Variants in RBFOX1 observed in about 807,000 individuals in gnomAD.
RBFOX1 encodes RNA binding fox-1 homolog 1.
Under a neutral mutation model 57.7 loss-of-function variants are expected in RBFOX1, and 8 were observed. The ratio of observed to expected loss-of-function variants is 0.14; its 90% CI spans 0.08 to 0.25. The LOEUF (loss-of-function observed/expected upper bound fraction) is 0.25, where lower values mean the gene tolerates loss of function less well. Among genes scored for constraint, RBFOX1 ranks in the 10% least tolerant of loss-of-function variants. RBFOX1 has a pLI of 1.00. For missense variants in RBFOX1, 611 were observed against 548.5 expected, an observed-to-expected ratio of 1.11 and a Z score of -1.14; for synonymous variants, 326 against 222.4, an observed-to-expected ratio of 1.47 and a Z score of -4.15.
chr16:6,737,709 T>C (rs2070793811), intron 3 of RBFOX1, among the ~76,000 whole-genome samples: 2 of 152,132 alleles, frequency 1.3e-5, no homozygotes, highest in South Asian at 2.1e-4. Flanking sequence ...GAGCCTTAGG[T>C]TGGATGAATG....
chr16:7,042,548 C>G (rs141272510), intron 3 of RBFOX1, among the ~76,000 whole-genome samples: 2 of 152,334 alleles, frequency 1.3e-5, no homozygotes, highest in African/African-American at 2.4e-5. Flanking sequence ...AAGCTTATAA[C>G]TAGGAACTGT....
intron 3 of RBFOX1, among the ~76,000 whole-genome samples, chr16:6,948,175 T>C (rs2079944580): frequency 6.6e-6 from 1 of 151,992 alleles, no homozygotes; most frequent in Non-Finnish European, 1.5e-5. Context: ...CTCATACCTG[T>C]AATCCCAGCA....
chr16:6,245,840 C>G (rs542248491), intron 1 of RBFOX1, among the ~76,000 whole-genome samples: 1 of 152,330 alleles, frequency 6.6e-6, no homozygotes, highest in Non-Finnish European at 1.5e-5. Flanking sequence ...CTTGGTCATT[C>G]CCTGCCTTCA....
chr16:7,384,251 G>T (rs1436372561), intron 4 of RBFOX1, among the ~76,000 whole-genome samples: 1 of 151,928 alleles, frequency 6.6e-6, no homozygotes, highest in Non-Finnish European at 1.5e-5. Flanking sequence ...CAAGGAGTAT[G>T]AAACTTATAT....
At chr16:5,594,542 C>T (rs1027346220) in intron 2 of RBFOX1, among the ~76,000 whole-genome samples, 6 of 152,048 alleles carry the variant, frequency 3.9e-5, no homozygotes, top group South Asian at 2.1e-4. Context: ...TCTGGAAAGG[C>T]GGGAGAACTT....
chr16:7,092,938 A>G (rs1013823437), intron 4 of RBFOX1, among the ~76,000 whole-genome samples: 1 of 152,074 alleles, frequency 6.6e-6, no homozygotes, highest in Non-Finnish European at 1.5e-5. Context: ...AAGTTAGTTG[A>G]CGCATTCGTT....
chr16:6,716,692 C>A (rs2064892407), intron 3 of RBFOX1, among the ~76,000 whole-genome samples: 1 of 152,154 alleles, frequency 6.6e-6, no homozygotes, highest in Non-Finnish European at 1.5e-5. Flanking sequence ...TTCCATTCCT[C>A]TGGCCTTGAT....
intron 3 of RBFOX1, among the ~76,000 whole-genome samples, chr16:6,859,287 G>C (rs542077670): frequency 6.7e-6 from 1 of 149,158 alleles, no homozygotes; most frequent in Non-Finnish European, 1.5e-5. Flanking sequence ...AATATTATTT[G>C]TTCCCATCTC....
intron 1 of RBFOX1, among the ~76,000 whole-genome samples, chr16:6,259,203 T>A (rs2097686938): frequency 6.6e-6 from 1 of 152,202 alleles, no homozygotes; most frequent in Non-Finnish European, 1.5e-5. Context: ...ATTGCTTATT[T>A]ACTCAGATTG....
intron 4 of RBFOX1, among the ~76,000 whole-genome samples, chr16:7,429,648 T>A (rs2098659110): frequency 6.6e-6 from 1 of 152,140 alleles, no homozygotes; most frequent in African/African-American, 2.4e-5. Flanking sequence ...GAGGAACTGA[T>A]AAAAACTGCC....
intron 1 of RBFOX1, among the ~76,000 whole-genome samples, chr16:6,229,184 G>T (rs1301482401): frequency 3.9e-5 from 6 of 152,050 alleles, no homozygotes. Context: ...ATGTCATTCT[G>T]TAGTCTGAAA....
intron 3 of RBFOX1, among the ~76,000 whole-genome samples, chr16:5,653,234 G>A (rs1013427753): frequency 6.6e-6 from 1 of 151,554 alleles, no homozygotes. Context: ...TGTGAGGAAG[G>A]TGGGGTGTGG....
At chr16:6,987,408 C>T (rs1036873830) in intron 3 of RBFOX1, among the ~76,000 whole-genome samples, 5 of 150,664 alleles carry the variant, frequency 3.3e-5, no homozygotes, top group Non-Finnish European at 7.4e-5. Context: ...CCCAGGTTAT[C>T]TCCCGAGCCA....
chr16:6,142,025 G>A (rs2096719976), intron 1 of RBFOX1, among the ~76,000 whole-genome samples: 1 of 148,430 alleles, frequency 6.7e-6, no homozygotes, highest in African/African-American at 2.5e-5. Context: ...TGCCACTGCA[G>A]TCCAGCCTGG....
intron 2 of RBFOX1, among the ~76,000 whole-genome samples, chr16:6,485,713 C>G (rs943535501): frequency 2.0e-5 from 3 of 152,168 alleles, no homozygotes; most frequent in African/African-American, 7.2e-5. Flanking sequence ...AGAGCAGAAT[C>G]TTTTCTGTTA....
intron 3 of RBFOX1, among the ~76,000 whole-genome samples, chr16:6,996,284 C>G (rs1314582205): frequency 2.0e-5 from 3 of 152,102 alleles, no homozygotes; most frequent in South Asian, 2.1e-4. Flanking sequence ...AGTATCTCTA[C>G]TTTAGAATAA....
intron 3 of RBFOX1, among the ~76,000 whole-genome samples, chr16:6,863,009 G>A (rs906384221): frequency 1.7e-4 from 26 of 151,722 alleles, no homozygotes; most frequent in African/African-American, 5.1e-4. Flanking sequence ...AAGACAGGCC[G>A]CAGCTGATTT....
intron 3 of RBFOX1, among the ~76,000 whole-genome samples, chr16:6,658,957 C>A (rs1249914608): frequency 8.5e-6 from 1 of 117,690 alleles, no homozygotes; most frequent in Non-Finnish European, 1.9e-5. Context: ...TTTTTTTTTT[C>A]CTCCTGCAGG....
chr16:6,291,837 G>T (rs2077497151), intron 1 of RBFOX1, among the ~76,000 whole-genome samples: 1 of 152,122 alleles, frequency 6.6e-6, no homozygotes, highest in South Asian at 2.1e-4. Flanking sequence ...CCAGGCACAT[G>T]TTCTTAACTT....
Sources: allele counts gnomAD v4.1 joint callset (sites outside exome capture counted in the v4.1 genomes callset), GRCh38; gene constraint gnomAD v4.1.1; transcripts MANE v1.5; gene names NCBI Gene and HGNC (gene_info 2026-07-23, HGNC 2026-07-21).